The following EPB41L3 variants were observed in gnomAD, a reference collection of about 807,000 sequenced individuals.
EPB41L3 encodes the protein band 4.1-like protein 3.
EPB41L3 carries 57 observed loss-of-function variants against 127.1 expected under a neutral mutation model. That is an observed-to-expected ratio of 0.45 (90% CI 0.36 to 0.56). The LOEUF is 0.56. Ranked by LOEUF, EPB41L3 falls within the 20% of genes least tolerant of loss-of-function variation. The probability of loss-of-function intolerance (pLI) is 0.00; values close to 1 mark genes in which losing one functional copy is unlikely to be tolerated. For synonymous variants in EPB41L3, 572 were observed against 549.5 expected (o/e 1.04, Z -0.57); for missense variants, 1,273 against 1,372.2 (o/e 0.93, Z 1.14).
At chr18:5,629,500 A>C (rs1049909785), upstream of EPB41L3, among the ~76,000 whole-genome samples, 6 of 152,008 alleles carry the variant, frequency 3.9e-5, no homozygotes, top group Admixed American at 6.6e-5. Flanking sequence ...GGTCAGAGCC[A>C]CTGTCCACTT....
chr18:5,439,954 T>C (rs1247264941), intron 5 of EPB41L3, among the ~76,000 whole-genome samples: 1 of 152,192 alleles, frequency 6.6e-6, no homozygotes, highest in African/African-American at 2.4e-5. Flanking sequence ...AATGTAATTA[T>C]ACAATCTTAT....
intron 3 of EPB41L3, chr18:5,467,414 T>C (rs1485136513): frequency 2.0e-5 from 3 of 152,222 alleles, no homozygotes; most frequent in South Asian, 4.1e-4. Context: ...TTCAACAGGA[T>C]CTGAGCCCCT....
chr18:5,430,967 C>G (rs1472358150), intron 8 of EPB41L3, among the ~76,000 whole-genome samples: 2 of 152,038 alleles, frequency 1.3e-5, no homozygotes, highest in African/African-American at 4.8e-5. Flanking sequence ...CTGGGGTGTA[C>G]CCAAATAGTC....
intron 3 of EPB41L3, among the ~76,000 whole-genome samples, chr18:5,579,122 C>T (rs1350533500): frequency 6.6e-6 from 1 of 152,176 alleles, no homozygotes; most frequent in Non-Finnish European, 1.5e-5. Flanking sequence ...GATGAAACTT[C>T]ACAATAAAAA....
chr18:5,438,503 T>G (rs2080200374), intron 5 of EPB41L3, among the ~76,000 whole-genome samples: 1 of 152,198 alleles, frequency 6.6e-6, no homozygotes, highest in Admixed American at 6.5e-5. Flanking sequence ...ACCACAATCA[T>G]AATTCCCATT....
At chr18:5,441,703 A>G (rs567847039) in intron 5 of EPB41L3, among the ~76,000 whole-genome samples, 39 of 152,000 alleles carry the variant, frequency 2.6e-4, no homozygotes, top group Non-Finnish European at 3.5e-4. Flanking sequence ...TGACCTCGTG[A>G]TCCGCCCGTC....
chr18:5,438,053 A>AGTT lies in EPB41L3; in HGVS notation c.584_586dup (p.Gln195dup), dbSNP rs1370503016. On this transcript the variant is annotated inframe_insertion, in exon 6 of 23. Coordinates refer to ENST00000341928, the MANE Select transcript of EPB41L3 (RefSeq NM_012307.5). ...CAAATACCTGGTGATATCTTCAGAT[A>AGTT]GTTGGGCAGGGTCTGGTGGATAAAA... 1 of 1,613,974 alleles carries AGTT rather than the reference A, an allele frequency of 6.2e-7. No homozygotes were observed. The highest frequency in any genetic ancestry group is 8.5e-7 in the Non-Finnish European group (1 of 1,179,928).
intron 16 of EPB41L3, among the ~76,000 whole-genome samples, chr18:5,403,590 C>CAAAAAA (rs199992647): frequency 1.9e-5 from 2 of 102,630 alleles, no homozygotes; most frequent in African/African-American, 3.1e-5. Context: ...TCACTGAGAC[C>CAAAAAA]AAAAAAAAAA....
At chr18:5,472,426 G>A (rs534068185) in intron 3 of EPB41L3, among the ~76,000 whole-genome samples, 3 of 152,168 alleles carry the variant, frequency 2.0e-5, no homozygotes, top group South Asian at 4.1e-4. Flanking sequence ...TACAGCACGC[G>A]ATGGATGGTT....
Position 5,489,213 on chromosome 18 carries a change from G to C in EPB41L3, c.-11-19C>G. The C allele has an allele frequency of 6.3e-7, 1 of 1,584,184 alleles. No individual in the cohort carries two copies. Among genetic ancestry groups the C allele is most frequent in the South Asian group, 1.1e-5 (1 of 87,436 alleles). On this transcript the variant is annotated intron_variant, in intron 1 of 22. Coordinates refer to ENST00000341928, the MANE Select transcript of EPB41L3 (RefSeq NM_012307.5). ...GATTGTTCTGCAAGCAGAAAAAAGG[G>C]AAGAGCAGGTCACTCCGTGCCACTA...
intron 1 of EPB41L3, among the ~76,000 whole-genome samples, chr18:5,625,311 G>C (rs2094910642): frequency 6.6e-6 from 1 of 151,910 alleles, no homozygotes; most frequent in Non-Finnish European, 1.5e-5. Flanking sequence ...CCAGAGCCAG[G>C]ACTGGTGGGG....
At chr18:5,488,261 G>T (rs558858299) in intron 2 of EPB41L3, among the ~76,000 whole-genome samples, 1 of 152,246 alleles carries the variant, frequency 6.6e-6, no homozygotes, top group African/African-American at 2.4e-5. Context: ...ATGAGTTCAT[G>T]TCCTTTTCAG....
intron 11 of EPB41L3, among the ~76,000 whole-genome samples, chr18:5,421,135 C>T (rs1233110366): frequency 6.6e-6 from 1 of 152,180 alleles, no homozygotes; most frequent in Non-Finnish European, 1.5e-5. Flanking sequence ...CACATACTAA[C>T]ATCACTTTTG....
intron 2 of EPB41L3, among the ~76,000 whole-genome samples, chr18:5,484,493 C>T (rs1197212054): frequency 6.7e-6 from 1 of 149,646 alleles, no homozygotes; most frequent in African/African-American, 2.5e-5. Flanking sequence ...TGATGATGAT[C>T]AGAGCAGAAA....
chr18:5,526,255 G>A (rs371958015), intron 1 of EPB41L3, among the ~76,000 whole-genome samples: 1 of 152,128 alleles, frequency 6.6e-6, no homozygotes, highest in African/African-American at 2.4e-5. Context: ...GAGGAGAAGC[G>A]CCTGTATTTC....
intron 3 of EPB41L3, among the ~76,000 whole-genome samples, chr18:5,573,249 G>A (rs1470827985): frequency 6.6e-6 from 1 of 152,060 alleles, no homozygotes; most frequent in East Asian, 1.9e-4. Flanking sequence ...TCACCACTTG[G>A]CCCACACACA....
At chr18:5,517,450 T>G (rs1172041854) in intron 1 of EPB41L3, among the ~76,000 whole-genome samples, 3 of 152,074 alleles carry the variant, frequency 2.0e-5, no homozygotes, top group African/African-American at 7.2e-5. Flanking sequence ...TGTTTTTTTC[T>G]TTTTGAGATG....
intron 4 of EPB41L3, among the ~76,000 whole-genome samples, chr18:5,444,386 A>G (rs2081198849): frequency 1.3e-5 from 2 of 152,180 alleles, no homozygotes; most frequent in South Asian, 4.1e-4. Flanking sequence ...TAATGAAGTG[A>G]GGCATTGTCT....
At chr18:5,479,486 A>C (rs1278410197) in intron 2 of EPB41L3, 3 of 152,204 alleles carry the variant, frequency 2.0e-5, no homozygotes, top group African/African-American at 7.2e-5. Flanking sequence ...TTTTTATAAC[A>C]CTAATATAAT....
Sources: gnomAD v4.1 joint callset for allele counts (sites outside exome capture counted in the v4.1 genomes callset) on GRCh38, gnomAD v4.1.1 for gene constraint, MANE v1.5 for transcripts, NCBI Gene and HGNC (gene_info 2026-07-23, HGNC 2026-07-21) for gene names.